The following ANKS1B variants were observed in gnomAD, a reference collection of about 807,000 sequenced individuals.
The protein encoded by ANKS1B is ankyrin repeat and sterile alpha motif domain-containing protein 1B.
Under a neutral mutation model 148.3 loss-of-function variants are expected in ANKS1B, and 36 were observed. That is an observed-to-expected ratio of 0.24 (90% CI 0.19 to 0.32). ANKS1B has a LOEUF of 0.32. Among genes scored for constraint, ANKS1B ranks in the 10% least tolerant of loss-of-function variants. The probability of loss-of-function intolerance (pLI) is 1.00; values close to 1 mark genes in which losing one functional copy is unlikely to be tolerated. For missense variants in ANKS1B, 1,157 were observed against 1,542.6 expected, an observed-to-expected ratio of 0.75 and a Z score of 4.19; for synonymous variants, 542 against 560.8, an observed-to-expected ratio of 0.97 and a Z score of 0.47.
intron 9 of ANKS1B, among the ~76,000 whole-genome samples, chr12:99,528,880 G>GT (rs1322863997): frequency 6.6e-6 from 1 of 152,108 alleles, no homozygotes; most frequent in Non-Finnish European, 1.5e-5. Context: ...AACATTTGGT[G>GT]TTTAACACTG....
intron 22 of ANKS1B, among the ~76,000 whole-genome samples, chr12:98,791,527 T>A (rs909040753): frequency 6.6e-6 from 1 of 151,484 alleles, no homozygotes; most frequent in African/African-American, 2.4e-5. Flanking sequence ...AAATAATTGA[T>A]GCTTCCATGA....
chr12:99,564,449 A>G (rs188595137), intron 9 of ANKS1B, among the ~76,000 whole-genome samples: 52 of 152,090 alleles, frequency 3.4e-4, no homozygotes, highest in African/African-American at 1.3e-3. Context: ...AATAAATGAT[A>G]AAATTAATAA....
chr12:99,457,218 C>G (rs577080078), intron 10 of ANKS1B, among the ~76,000 whole-genome samples: 1 of 152,124 alleles, frequency 6.6e-6, no homozygotes, highest in African/African-American at 2.4e-5. Context: ...GAATTTGCCA[C>G]TACCAAGCCA....
At chr12:99,176,482 T>A (rs2078395117) in intron 14 of ANKS1B, among the ~76,000 whole-genome samples, 1 of 152,170 alleles carries the variant, frequency 6.6e-6, no homozygotes, top group African/African-American at 2.4e-5. Context: ...CCATTTCAGC[T>A]GCTTCAGGAT....
At chr12:99,608,235 T>C (rs900048306) in intron 9 of ANKS1B, among the ~76,000 whole-genome samples, 2 of 152,068 alleles carry the variant, frequency 1.3e-5, no homozygotes. Context: ...TCTGTCTTTG[T>C]GTGCATGGGT....
intron 15 of ANKS1B, among the ~76,000 whole-genome samples, chr12:99,152,023 T>C (rs1393351853): frequency 7.2e-5 from 11 of 152,074 alleles, no homozygotes; most frequent in Non-Finnish European, 1.6e-4. Flanking sequence ...TGATACTGAG[T>C]GGAGACTAAG....
chr12:98,979,819 T>C (rs1200610450), intron 17 of ANKS1B, among the ~76,000 whole-genome samples: 1 of 152,196 alleles, frequency 6.6e-6, no homozygotes, highest in Non-Finnish European at 1.5e-5. Context: ...CAAATTTACA[T>C]AATTTGGTAG....
At chr12:99,532,427 C>T (rs2097007439) in intron 9 of ANKS1B, among the ~76,000 whole-genome samples, 1 of 152,184 alleles carries the variant, frequency 6.6e-6, no homozygotes, top group South Asian at 2.1e-4. Context: ...GTGGCCCGAT[C>T]TCGGCTCCCT....
intron 17 of ANKS1B, among the ~76,000 whole-genome samples, chr12:98,848,743 G>GTTTTTTTTTTTT (rs10695483): frequency 0.43 from 20,292 of 47,466 alleles, 8,547 homozygotes; most frequent in South Asian, 0.64. Context: ...TGTATGTGTG[G>GTTTTTTTTTTTT]TTTTTTTTTT....
intron 1 of ANKS1B, among the ~76,000 whole-genome samples, chr12:99,866,559 T>C (rs1298707061): frequency 6.6e-6 from 1 of 152,188 alleles, no homozygotes; most frequent in Non-Finnish European, 1.5e-5. Flanking sequence ...CTTAAGTAAT[T>C]TGAGTAGCTC....
At chr12:99,756,148 A>T (rs2061545732) in intron 8 of ANKS1B, among the ~76,000 whole-genome samples, 1 of 148,210 alleles carries the variant, frequency 6.7e-6, no homozygotes, top group South Asian at 2.3e-4. Context: ...GAGAGGAAGT[A>T]AAACCATCCC....
intron 8 of ANKS1B, among the ~76,000 whole-genome samples, chr12:99,663,185 T>C (rs1456559284): frequency 6.6e-6 from 1 of 152,122 alleles, no homozygotes; most frequent in Admixed American, 6.6e-5. Flanking sequence ...AAAGCTATGA[T>C]AGTATTAATG....
At chr12:98,938,175 G>A (rs907349449) in intron 17 of ANKS1B, among the ~76,000 whole-genome samples, 28 of 152,290 alleles carry the variant, frequency 1.8e-4, no homozygotes, top group African/African-American at 6.3e-4. Flanking sequence ...CATAAATATT[G>A]ATTAGCTATG....
chr12:99,163,108 G>T (rs2153831402), intron 14 of ANKS1B, among the ~76,000 whole-genome samples: 1 of 151,852 alleles, frequency 6.6e-6, no homozygotes, highest in East Asian at 1.9e-4. Context: ...TTATTTGTTG[G>T]TTATTTGTAA....
intron 21 of ANKS1B, 99 bp downstream of exon 21, chr12:98,800,898 T>C: frequency 7.3e-7 from 1 of 1,376,238 alleles, no homozygotes; most frequent in Non-Finnish European, 9.8e-7. Context: ...CAGTGATGGA[T>C]ATGGATATTT....
rs946942459 is a variant in ANKS1B, at chr12:99,892,245, T to C, written c.135-66856A>G. 2.6e-5 allele frequency among the ~76,000 whole-genome samples: 4 copies of C among 152,166 alleles called. No homozygotes were observed. The East Asian group carries it at 7.7e-4, about 29-fold the overall frequency. ...GTCTTGATCTCCTGACCTCGTGATCTGCCCACCTCTGCCTCCCAAAGCGCT... is the reference window on the plus strand; with the variant it reads ...GTCTTGATCTCCTGACCTCGTGATCCGCCCACCTCTGCCTCCCAAAGCGCT... On this transcript the variant is annotated intron_variant, in intron 1 of 26. Coordinates refer to ENST00000683438, the MANE Select transcript of ANKS1B (RefSeq NM_001352186.2).
chr12:99,349,554 C>T (rs1289577228), intron 12 of ANKS1B, among the ~76,000 whole-genome samples: 1 of 151,806 alleles, frequency 6.6e-6, no homozygotes. Context: ...ACAAAATGTA[C>T]TAAGTCAAAA....
At position 99,698,973 on chromosome 12, in the gene ANKS1B, G is replaced by GTGTGTGT. The variant is rs56223205; in HGVS notation, c.1129-43764_1129-43763insACACACA. 1.1e-3 allele frequency among the ~76,000 whole-genome samples: 132 copies of GTGTGTGT among 119,522 alleles called. No individual in the cohort carries two copies. The South Asian group carries it at 0.013, about 12-fold the overall frequency. The allele number at this position is 119,522 out of a possible 152,430, so 78.4% of individuals were successfully genotyped here. Reference sequence around the variant, plus strand: ...TACTGCTGTTCTGTGTGTGTGTGTGGGTGTGCACGCACGTGCGCAAGCACA... The same window carrying GTGTGTGT: ...TACTGCTGTTCTGTGTGTGTGTGTGGTGTGTGTGTGTGCACGCACGTGCGCAAGCACA... On this transcript the variant is annotated intron_variant, in intron 8 of 26. Transcript: ENST00000683438.
At chr12:99,334,471 C>T (rs1437691718) in intron 12 of ANKS1B, among the ~76,000 whole-genome samples, 3 of 152,068 alleles carry the variant, frequency 2.0e-5, no homozygotes, top group Non-Finnish European at 2.9e-5. Flanking sequence ...ATATTCATAT[C>T]TCCACCCACT....
Sources: allele counts gnomAD v4.1 joint callset (sites outside exome capture counted in the v4.1 genomes callset), GRCh38; gene constraint gnomAD v4.1.1; transcripts MANE v1.5; gene names NCBI Gene and HGNC (gene_info 2026-07-23, HGNC 2026-07-21).